Variants in CHRNE observed in about 807,000 individuals in gnomAD.
The protein encoded by CHRNE is cholinergic receptor nicotinic epsilon subunit, also known as acetylcholine receptor subunit epsilon.
Under a neutral mutation model 56.5 loss-of-function variants are expected in CHRNE, and 58 were observed. The ratio of observed to expected loss-of-function variants is 1.03; its 90% CI spans 0.83 to 1.28. The LOEUF is 1.28. Among genes scored for constraint, CHRNE ranks in the 50% most tolerant of loss-of-function variants. The pLI, the probability that CHRNE is intolerant of heterozygous loss-of-function variation, is 0.00. For missense variants in CHRNE, 793 were observed against 688.9 expected (o/e 1.15, Z -1.69); for synonymous variants, 385 against 297.9 (o/e 1.29, Z -3.01).
upstream of CHRNE, chr17:4,903,212 G>A: frequency 1.2e-6 from 1 of 821,036 alleles, no homozygotes; most frequent in Admixed American, 2.0e-5. Context: ...TGCAGCTGGG[G>A]ACATTTTGGC....
rs9914357 is a variant in CHRNE at position 4,897,830 on chromosome 17, C to G, written c.*906G>C. The G allele has an allele frequency of 0.15, 23,101 of 151,546 alleles. 2,825 individuals carry two copies. The highest frequency in any genetic ancestry group is 0.34 in the East Asian group (1,706 of 5,090). The allele number at this position is 151,546 out of a possible 1,614,324, so 9.4% of individuals were successfully genotyped here. On this transcript the variant is annotated 3_prime_UTR_variant, in exon 12 of 12. Transcript: ENST00000649488. ...CAAACTCCAGGGAATGGAGGGGGGA[C>G]CCCGCCAGCCAAAACATTCCCCCCA...
chr17:4,908,477 C>A (rs1239291971), intron 1 of CHRNE, among the ~76,000 whole-genome samples: 2 of 123,352 alleles, frequency 1.6e-5, no homozygotes, highest in African/African-American at 6.3e-5. Flanking sequence ...GCTCAGCCAC[C>A]GTTCCTGCCA....
intron 8 of CHRNE, chr17:4,900,332 G>A: frequency 6.5e-7 from 1 of 1,546,116 alleles, no homozygotes; most frequent in Non-Finnish European, 8.7e-7. Flanking sequence ...CGCTGAGCCG[G>A]GTAGCCCAAG....
Position 4,898,636 on chromosome 17 carries a change from TCAG to T in CHRNE, c.*97_*99del. The T allele has an allele frequency of 6.8e-7, 1 of 1,460,954 alleles. No homozygotes were observed. The highest frequency in any genetic ancestry group is 9.3e-7 in the Non-Finnish European group (1 of 1,074,986). 90.5% of individuals were successfully genotyped at this position (1,460,954 alleles called of 1,614,324 possible). ...GTGAAGTTCACAAACTGCAGATTGA[TCAG>T]CAGGGGGAAGGGATCATAATGCCGT... On this transcript the variant is annotated 3_prime_UTR_variant, in exon 12 of 12. Coordinates refer to ENST00000649488, the MANE Select transcript of CHRNE (RefSeq NM_000080.4).
rs750634265 is a variant in CHRNE, at chr17:4,899,043, G to A, written c.1284C>T (p.Asn428=). Residue 428 remains asparagine (N), a synonymous_variant, in exon 11 of 12, where the codon AAC becomes AAT. Coordinates refer to ENST00000649488, the MANE Select transcript of CHRNE (RefSeq NM_000080.4). The part of the protein sequence containing the change: ...PEVRCCVDAV[N]FVAESTRDQE... ...GATCTCTCGTGCTCTCGGCCACGAA[G>A]TTCACGGCATCCACACAGCAGCGGA... The A allele has an allele frequency of 7.4e-6, 12 of 1,611,484 alleles. No individual in the cohort carries two copies. Among genetic ancestry groups the A allele is most frequent in the Non-Finnish European group, 8.5e-6 (10 of 1,179,566 alleles).
In CHRNE at chr17:4,902,518, T is replaced by C. The variant is rs1366929027; in HGVS notation, c.190-24A>G. The C allele has an allele frequency of 5.0e-6, 8 of 1,614,024 alleles. No homozygotes were observed. Among genetic ancestry groups the C allele is most frequent in the African/African-American group, 2.7e-5 (2 of 74,974 alleles). On this transcript the variant is annotated intron_variant, in intron 2 of 11. Transcript: ENST00000649488. The surrounding 1 kb of genome is among the most constrained non-coding windows in gnomAD (Gnocchi z 4.0). ...TTCTGCAGATGGGAGATGGGGATGA[T>C]TGAAGTGAGATTTCAGGGCCAGAAG... is the stretch of plus-strand genomic sequence containing the variant.
chr17:4,898,710 G>A lies in CHRNE; in HGVS notation c.*26C>T, dbSNP rs1969813928. On this transcript the variant is annotated 3_prime_UTR_variant, in exon 12 of 12. Transcript: ENST00000649488. Reference sequence around the variant, plus strand: ...TCAAAATCAATTTCCTACTGGAGATGGGTGGGAAATTGAAGTCGGTGCGAG... The same window carrying A: ...TCAAAATCAATTTCCTACTGGAGATAGGTGGGAAATTGAAGTCGGTGCGAG... 5 of 1,603,640 alleles carry A rather than the reference G, an allele frequency of 3.1e-6. No individual in the cohort carries two copies. Among genetic ancestry groups the A allele is most frequent in the East Asian group, 4.5e-5 (2 of 44,564 alleles).
At position 4,898,911 on chromosome 17, in the gene CHRNE, G is replaced by A. The variant is rs1312286883; in HGVS notation, c.1327-20C>T. On this transcript the variant is annotated intron_variant, in intron 11 of 11. Transcript: ENST00000649488. ...CACTTCCTGGGGAAGGGTCGGCACAGTCAGTAAAGAGGCAGCTGCAGGAGC... is the reference window on the plus strand; with the variant it reads ...CACTTCCTGGGGAAGGGTCGGCACAATCAGTAAAGAGGCAGCTGCAGGAGC... The A allele has an allele frequency of 2.5e-6, 4 of 1,571,424 alleles. No homozygotes were observed. Among genetic ancestry groups the A allele is most frequent in the South Asian group, 1.2e-5 (1 of 86,164 alleles).
chr17:4,908,171 AAATAAT>A (rs1304890322), intron 1 of CHRNE, among the ~76,000 whole-genome samples: 3 of 152,100 alleles, frequency 2.0e-5, no homozygotes, highest in South Asian at 4.2e-4. Context: ...CTCTGTCTCA[AAATAAT>A]AATAATAATA....
At chr17:4,907,376 G>A (rs368515933), upstream of CHRNE, among the ~76,000 whole-genome samples, 53 of 151,048 alleles carry the variant, frequency 3.5e-4, no homozygotes, top group South Asian at 6.3e-4. Context: ...ATCCTGGCTA[G>A]CATGGTGAAA....
chr17:4,903,424 G>T (rs1300730173), upstream of CHRNE, among the ~76,000 whole-genome samples: 1 of 152,156 alleles, frequency 6.6e-6, no homozygotes, highest in Non-Finnish European at 1.5e-5. Flanking sequence ...AAGCTGCCCT[G>T]TGTAGGTGAC....
intron 11 of CHRNE, 45 bp from the exon 12 acceptor site, chr17:4,898,936 CCAGCGGCATGGGAGA>C (rs1359450452): frequency 3.8e-6 from 6 of 1,565,326 alleles, no homozygotes; most frequent in Non-Finnish European, 5.2e-6. Flanking sequence ...GCTGCAGGAG[CCAGCGGCATGGGAGA>C]CAGTGGTGGG....
chr17:4,901,662 C>T (rs1969989443), intron 5 of CHRNE, 37 bp from the exon 6 acceptor site: 2 of 1,581,550 alleles, frequency 1.3e-6, no homozygotes, highest in Non-Finnish European at 1.7e-6. Flanking sequence ...CCCAGAAGCT[C>T]TGACCTGGGC....
chr17:4,907,094 C>CA (rs546434687), upstream of CHRNE, among the ~76,000 whole-genome samples: 45 of 151,052 alleles, frequency 3.0e-4, no homozygotes, highest in Admixed American at 2.6e-3. Flanking sequence ...TTAATGGGTA[C>CA]AAAAAAAATA....
chr17:4,907,579 A>C (rs985845481), upstream of CHRNE, among the ~76,000 whole-genome samples: 66 of 133,562 alleles, frequency 4.9e-4, 1 homozygote, highest in East Asian at 0.015. Context: ...AAAAAAAAAA[A>C]AAAAAAAAAA....
upstream of CHRNE, chr17:4,903,164 G>C: frequency 1.7e-6 from 2 of 1,198,354 alleles, no homozygotes; most frequent in Non-Finnish European, 1.2e-6. Flanking sequence ...GTTCCGGGCT[G>C]TTAGGGGACT....
At position 4,899,483 on chromosome 17, in the gene CHRNE, G is replaced by C. The variant is rs114454383; in HGVS notation, c.1017C>G (p.Ser339=). Residue 339 remains serine, a synonymous_variant, in exon 9 of 12, where the codon TCC becomes TCG. Transcript: ENST00000649488. ...CCGCGCTTACGTGGCGCAGCCGCGG[G>C]GACATGGCGTGGGTGGTGGGCGTCC... The part of the protein sequence containing the change: ...SQRTPTTHAM[S]PRLRHVLLEL... The C allele has an allele frequency of 1.6e-3, 2,621 of 1,598,656 alleles. 33 individuals are homozygous for C. In the African/African-American group the frequency reaches 0.03, roughly 18 times the overall value.
chr17:4,904,663 A>AAGTCTC (rs1970068268), upstream of CHRNE, among the ~76,000 whole-genome samples: 1 of 152,186 alleles, frequency 6.6e-6, no homozygotes, highest in Non-Finnish European at 1.5e-5. Context: ...GATTGGCAAT[A>AAGTCTC]ATGCATGAGA....
At chr17:4,899,841 C>G in intron 8 of CHRNE, 3 of 1,551,224 alleles carry the variant, frequency 1.9e-6, no homozygotes. Context: ...GAGGCTACGC[C>G]CGCCAAGGGC....
Sources: gnomAD v4.1 joint callset for allele counts (sites outside exome capture counted in the v4.1 genomes callset) on GRCh38, gnomAD v4.1.1 for gene constraint, Gnocchi (gnomAD v3.1) non-coding constraint, MANE v1.5 for transcripts, NCBI Gene and HGNC (gene_info 2026-07-23, HGNC 2026-07-21) for gene names.